PAX3: variants seen among roughly 807,000 people sequenced by gnomAD.
PAX3 encodes paired box protein Pax-3.
In PAX3, 14 loss-of-function variants were observed where a neutral mutation model predicts 51.6. That is an observed-to-expected ratio of 0.27 (90% confidence interval 0.18 to 0.42). The LOEUF (loss-of-function observed/expected upper bound fraction) is 0.42. Ranked by LOEUF, PAX3 falls within the 10% of genes least tolerant of loss-of-function variation. The pLI, the probability that PAX3 is intolerant of heterozygous loss-of-function variation, is 1.00. For missense variants in PAX3, 540 were observed against 642.8 expected (o/e 0.84, Z 1.73); for synonymous variants, 280 against 253.4 (o/e 1.11, Z -1.00).
At chr2:222,295,382 C>A (rs1219504842) in intron 3 of PAX3, 146 bp downstream of exon 3, 5 of 953,492 alleles carry the variant, frequency 5.2e-6, no homozygotes, top group Non-Finnish European at 1.7e-6. Flanking sequence ...GCCAAGAACA[C>A]CGGGTTGGCA....
chr2:222,298,443 C>A (rs1574774933), intron 1 of PAX3, 88 bp downstream of exon 1: 1 of 1,144,972 alleles, frequency 8.7e-7, no homozygotes, highest in East Asian at 2.6e-5. Context: ...CCTGGAAGCA[C>A]CAAAGGAGCC....
At position 222,296,908 on chromosome 2, in the gene PAX3, C is replaced by T. The variant is rs908769094; in HGVS notation, c.321+70G>A. 4.5e-6 allele frequency: 6 copies of T among 1,326,224 alleles called. No individual in the cohort carries two copies. The African/African-American group carries it at 5.8e-5, about 13-fold the overall frequency. 82.2% of individuals were successfully genotyped at this position (1,326,224 alleles called of 1,614,324 possible). A position where few individuals can be genotyped will look rare whatever the true frequency, so the allele number is the denominator to read the frequency against. On this transcript the variant is annotated intron_variant, in intron 2 of 8. Transcript: ENST00000392070. ...AGAGCCCCAGATGTCAGCCGTTACC[C>T]CCCGCCCGGTCTTCCCCAACACAGG...
At chr2:222,232,030 G>C (rs1247028605) in intron 5 of PAX3, 48 bp downstream of exon 5, 2 of 1,550,752 alleles carry the variant, frequency 1.3e-6, no homozygotes, top group Non-Finnish European at 1.8e-6. Flanking sequence ...ATGCTTGTTT[G>C]TTTCCTGTCT....
chr2:222,220,377 C>T (rs758607057), intron 6 of PAX3, 23 bp from the exon 7 acceptor site: 3 of 1,611,148 alleles, frequency 1.9e-6, no homozygotes, highest in African/African-American at 2.7e-5. Flanking sequence ...AGATTGTCAA[C>T]CATCATGTTT....
At position 222,256,552 on chromosome 2, in the gene PAX3, CGGAAACTGCTCTTTGATTTCTCTACTGCA is replaced by C. The variant is rs1382115141; in HGVS notation, c.587-24298_587-24270del. Among the ~76,000 whole-genome samples the C allele has an allele frequency of 2.0e-5, 3 of 152,060 alleles. No individual in the cohort carries two copies. In the East Asian group the frequency reaches 5.8e-4, roughly 29 times the overall value. ...TCCAAGTCCCTCGGCCCCAGAGACT[CGGAAACTGCTCTTTGATTTCTCTACTGCA>C]AGGAATTAACTTTTCATTACCAGCA... is the stretch of plus-strand genomic sequence containing the variant. On this transcript the variant is annotated intron_variant, in intron 4 of 8. Coordinates refer to ENST00000392070, the MANE Select transcript of PAX3 (RefSeq NM_181458.4).
intron 4 of PAX3, among the ~76,000 whole-genome samples, chr2:222,265,988 C>G (rs1694044127): frequency 1.3e-5 from 2 of 152,190 alleles, no homozygotes; most frequent in South Asian, 4.1e-4. Flanking sequence ...AGTGTGGGGA[C>G]AGCCAGTAGT....
chr2:222,208,055 C>T (rs996760560), intron 7 of PAX3, among the ~76,000 whole-genome samples: 5 of 151,162 alleles, frequency 3.3e-5, no homozygotes, highest in African/African-American at 4.9e-5. Flanking sequence ...TGATGAATGA[C>T]CATATCACGT....
intron 4 of PAX3, among the ~76,000 whole-genome samples, chr2:222,290,091 G>T (rs1694975288): frequency 2.0e-5 from 3 of 152,106 alleles, no homozygotes; most frequent in Non-Finnish European, 4.4e-5. Context: ...GGCCCTTCCT[G>T]CTCACTAACC....
chr2:222,294,028 G>T, intron 4 of PAX3, 139 bp downstream of exon 4: 1 of 1,553,574 alleles, frequency 6.4e-7, no homozygotes, highest in Non-Finnish European at 8.7e-7. Context: ...GTTCCATGTC[G>T]TTACTCAGGC....
chr2:222,294,102 A>G lies in PAX3; in HGVS notation c.586+65T>C, dbSNP rs533215169. On this transcript the variant is annotated intron_variant, in intron 4 of 8. Transcript: ENST00000392070. ...GGGCTTGGCTGCCGTCAGATCACCA[A>G]TGTCAGCTAGCCGATGCCCTCCAAG... 49 of 1,608,490 alleles carry G rather than the reference A, an allele frequency of 3.0e-5. 1 individual carries two copies. Among genetic ancestry groups the G allele is most frequent in the African/African-American group, 2.4e-4 (18 of 74,802 alleles).
chr2:222,259,032 A>C (rs1693749314), intron 4 of PAX3, among the ~76,000 whole-genome samples: 1 of 152,352 alleles, frequency 6.6e-6, no homozygotes, highest in East Asian at 1.9e-4. Flanking sequence ...TAGAATTAAG[A>C]AACTCCTTCC....
In PAX3 at chr2:222,221,257, G is replaced by A. The variant is rs367982640; in HGVS notation, c.923C>T (p.Ser308Leu). Residue 308 changes from serine to leucine, a missense_variant, in exon 6 of 9, where the codon TCG becomes TTG. By Grantham distance (145) the Ser-to-Leu change is moderately radical (BLOSUM62 -2). Coordinates refer to ENST00000392070, the MANE Select transcript of PAX3 (RefSeq NM_181458.4). ...AGATGTGGGCTGGTAAGAGGTCTCCGACAGCTGGTACGTTGGCAAGGTCGG... is the reference window on the plus strand; with the variant it reads ...AGATGTGGGCTGGTAAGAGGTCTCCAACAGCTGGTACGTTGGCAAGGTCGG... ...AMPTLPTYQL[S>L]ETSYQPTSIP... is the part of the protein sequence containing the mutation. The A allele has an allele frequency of 2.9e-5, 46 of 1,613,990 alleles. No homozygotes were observed. Among genetic ancestry groups the A allele is most frequent in the Non-Finnish European group, 3.5e-5 (41 of 1,179,928 alleles).
intron 4 of PAX3, 88 bp downstream of exon 4, chr2:222,294,079 G>C (rs757383930): frequency 2.5e-6 from 4 of 1,596,462 alleles, no homozygotes; most frequent in African/African-American, 1.3e-5. Context: ...TCCGAGCTGG[G>C]CTTGGCTGCC....
At chr2:222,201,873 C>T (rs753228919) in intron 8 of PAX3, 71 bp downstream of exon 8, 3 of 1,613,490 alleles carry the variant, frequency 1.9e-6, no homozygotes, top group African/African-American at 2.7e-5. Flanking sequence ...CTCTAATTCA[C>T]CTTTCTTAAG....
At chr2:222,222,407 C>CTT (rs140699845) in intron 5 of PAX3, among the ~76,000 whole-genome samples, 7 of 140,854 alleles carry the variant, frequency 5.0e-5, no homozygotes, top group Admixed American at 7.2e-5. Context: ...TTCATTGAAA[C>CTT]TTTTTTTTTT....
At chr2:222,293,654 A>G in intron 4 of PAX3, 1 of 1,614,120 alleles carries the variant, frequency 6.2e-7, no homozygotes, top group Non-Finnish European at 8.5e-7. Context: ...AGACATATTT[A>G]TAAGGCAGCC....
chr2:222,242,187 C>A (rs944712968), intron 4 of PAX3, among the ~76,000 whole-genome samples: 2 of 152,114 alleles, frequency 1.3e-5, no homozygotes, highest in African/African-American at 4.8e-5. Context: ...ATTGAAACCA[C>A]GTTTTTTTTG....
chr2:222,220,961 A>G (rs1276955814), intron 6 of PAX3, among the ~76,000 whole-genome samples: 1 of 152,238 alleles, frequency 6.6e-6, no homozygotes, highest in African/African-American at 2.4e-5. Context: ...AGAAAAGCAA[A>G]TCCCATGGTT....
chr2:222,259,858 T>C (rs571660345), intron 4 of PAX3, among the ~76,000 whole-genome samples: 4 of 151,934 alleles, frequency 2.6e-5, no homozygotes, highest in African/African-American at 7.2e-5. Context: ...ACTAGTGAAG[T>C]TAGCTTCATT....
Sources: gnomAD v4.1 joint callset for allele counts (sites outside exome capture counted in the v4.1 genomes callset) on GRCh38, gnomAD v4.1.1 for gene constraint, MANE v1.5 for transcripts, NCBI Gene and HGNC (gene_info 2026-07-23, HGNC 2026-07-21) for gene names.